FAM149A: variants seen among roughly 807,000 people sequenced by gnomAD.
FAM149A encodes protein FAM149A.
Under a neutral mutation model 78.2 loss-of-function variants are expected in FAM149A, and 71 were observed. The observed-to-expected ratio is 0.91, with a 90% CI of 0.75 to 1.11. The LOEUF (loss-of-function observed/expected upper bound fraction) is 1.11, where lower values mean the gene tolerates loss of function less well. Among genes scored for constraint, FAM149A ranks in the 50% least tolerant of loss-of-function variants. The pLI, the probability that FAM149A is intolerant of heterozygous loss-of-function variation, is 0.00. For missense variants in FAM149A, 1,036 were observed against 971.0 expected (o/e 1.07, Z -0.89); for synonymous variants, 446 against 410.5 (o/e 1.09, Z -1.04).
At position 186,149,085 on chromosome 4, in the gene FAM149A, T is replaced by C. The variant is rs965214262; in HGVS notation, c.567-88T>C. 1.4e-5 allele frequency: 16 copies of C among 1,113,368 alleles called. No individual in the cohort carries two copies. In the African/African-American group the frequency reaches 2.5e-4, roughly 17 times the overall value. The allele number at this position is 1,113,368 out of a possible 1,614,324, so 69.0% of individuals were successfully genotyped here. A position where few individuals can be genotyped will look rare whatever the true frequency, so the allele number is the denominator to read the frequency against. Reference sequence around the variant, plus strand: ...ATGTGGCAGAACGAGAGGAGCAACTTTGTATAAAAGAGAAATTTTAAAAGT... The same window carrying C: ...ATGTGGCAGAACGAGAGGAGCAACTCTGTATAAAAGAGAAATTTTAAAAGT... On this transcript the variant is annotated intron_variant, in intron 1 of 13. Transcript: ENST00000389354.
chr4:186,130,285 C>CTATA (rs1446324496), intron 1 of FAM149A: 1 of 40,338 alleles, frequency 2.5e-5, no homozygotes, highest in African/African-American at 1.4e-4. Context: ...CTCTCTCTCT[C>CTATA]TCTCTCTCTA....
At chr4:186,158,835 T>TGAGC (rs1579910428) in intron 8 of FAM149A, 5 of 998,336 alleles carry the variant, frequency 5.0e-6, no homozygotes, top group East Asian at 1.1e-4. Flanking sequence ...GATCAACCAC[T>TGAGC]GAGCGGTCTC....
intron 13 of FAM149A, chr4:186,169,515 C>G (rs1735355172): frequency 4.1e-6 from 4 of 984,752 alleles, no homozygotes; most frequent in Non-Finnish European, 4.8e-6. Context: ...AAAGCTCTTT[C>G]TTTCCTCCTG....
chr4:186,105,851 C>T (rs1444863466), intron 1 of FAM149A, among the ~76,000 whole-genome samples: 1 of 152,200 alleles, frequency 6.6e-6, no homozygotes, highest in Non-Finnish European at 1.5e-5. Context: ...ATGCTTTGTC[C>T]AGCTTTCTCA....
chr4:186,150,411 C>CTG (rs1733406263), intron 3 of FAM149A, among the ~76,000 whole-genome samples: 5 of 105,474 alleles, frequency 4.7e-5, no homozygotes, highest in East Asian at 2.5e-4. Flanking sequence ...CTCTCTCTGT[C>CTG]TCTTTTTTTT....
intron 1 of FAM149A, among the ~76,000 whole-genome samples, chr4:186,132,603 G>A (rs1224648102): frequency 6.6e-6 from 1 of 152,184 alleles, no homozygotes; most frequent in African/African-American, 2.4e-5. Flanking sequence ...GGGAAAAGCA[G>A]GCTGGAGGGG....
rs148215946 is a variant in FAM149A, at chr4:186,146,839, G to T, written c.567-2334G>T. The T allele has an allele frequency of 7.1e-6, 7 of 985,444 alleles. No homozygotes were observed. In the African/African-American group the frequency reaches 1.2e-4, roughly 17 times the overall value. 61.0% of individuals were successfully genotyped at this position (985,444 alleles called of 1,614,324 possible). On this transcript the variant is annotated intron_variant, in intron 1 of 13. Transcript: ENST00000389354. ...CCTATGTTTCAGGCATAAACATTCA[G>T]AGTAATTCTGTAGTGAAAATGAGTT...
intron 8 of FAM149A, among the ~76,000 whole-genome samples, chr4:186,159,961 T>C (rs116745231): frequency 0.025 from 3,107 of 124,634 alleles, 142 homozygotes; most frequent in African/African-American, 0.091. Flanking sequence ...ACACCACTCA[T>C]ACACACACCA....
intron 13 of FAM149A, chr4:186,167,485 G>C: frequency 1.9e-6 from 1 of 522,028 alleles, no homozygotes. Flanking sequence ...ATGTCCAAAA[G>C]CTCTCAATGA....
intron 1 of FAM149A, chr4:186,127,520 A>G: frequency 1.0e-6 from 1 of 985,372 alleles, no homozygotes; most frequent in Non-Finnish European, 1.2e-6. Context: ...GTGGCTTTCA[A>G]CGTTTGTTTT....
Position 186,171,944 on chromosome 4 carries a change from G to C in FAM149A, c.2249G>C (p.Arg750Thr), listed in dbSNP as rs914566875. ...CAATATGTGCCTAAATCTTTTCAGAGGACAACTTTGACTTTCAAGAGGAGA... is the reference window on the plus strand; with the variant it reads ...CAATATGTGCCTAAATCTTTTCAGACGACAACTTTGACTTTCAAGAGGAGA... Residue 750 changes from arginine to threonine, a missense_variant, in exon 14 of 14, where the codon AGG becomes ACG. Physicochemically the swap from Arg to Thr is moderately conservative, Grantham distance 71 (BLOSUM62 -1). Coordinates refer to ENST00000389354, the MANE Select transcript of FAM149A (RefSeq NM_001367768.3). 22 of 1,611,906 alleles carry C rather than the reference G, an allele frequency of 1.4e-5. No homozygotes were observed. The highest frequency in any genetic ancestry group is 1.9e-5 in the Non-Finnish European group (22 of 1,179,214).
intron 1 of FAM149A, chr4:186,125,458 C>A: frequency 3.7e-6 from 2 of 539,784 alleles, no homozygotes; most frequent in Non-Finnish European, 4.7e-6. Flanking sequence ...CTGATCAGAG[C>A]ACGCTGGGAA....
chr4:186,149,552 G>A lies in FAM149A; in HGVS notation c.678-41G>A. ...CAGCAAATGTGATTTCTTTGCTCAT[G>A]TTCATTCCTGCAGCAAATCCTTGTC... On this transcript the variant is annotated intron_variant, in intron 2 of 13. Transcript: ENST00000389354. 2.3e-6 allele frequency: 3 copies of A among 1,289,798 alleles called. No homozygotes were observed. Among genetic ancestry groups the A allele is most frequent in the Non-Finnish European group, 3.0e-6 (3 of 988,876 alleles). 79.9% of individuals were successfully genotyped at this position (1,289,798 alleles called of 1,614,324 possible).
intron 1 of FAM149A, among the ~76,000 whole-genome samples, chr4:186,142,359 A>C (rs1489777107): frequency 6.6e-6 from 1 of 152,296 alleles, no homozygotes; most frequent in Middle Eastern, 3.4e-3. Flanking sequence ...CCTCATCTGT[A>C]CGCGGACATG....
At chr4:186,113,237 G>T in intron 1 of FAM149A, among the ~76,000 whole-genome samples, 1 of 61,124 alleles carries the variant, frequency 1.6e-5, no homozygotes. Flanking sequence ...TGGGATCAGT[G>T]GTGATATCCC....
intron 1 of FAM149A, among the ~76,000 whole-genome samples, chr4:186,136,980 C>CTCTCTT (rs2099323362): frequency 2.2e-4 from 26 of 116,066 alleles, no homozygotes; most frequent in African/African-American, 8.2e-4. Context: ...CTCTCTTTCT[C>CTCTCTT]TCTCTCTCTC....
chr4:186,120,518 G>C (rs1413483375), intron 1 of FAM149A, among the ~76,000 whole-genome samples: 1 of 152,002 alleles, frequency 6.6e-6, no homozygotes, highest in Non-Finnish European at 1.5e-5. Context: ...GTAAGACCGG[G>C]CGCGGTGGCT....
intron 13 of FAM149A, 67 bp downstream of exon 13, chr4:186,167,329 A>G (rs1735130142): frequency 7.3e-7 from 1 of 1,375,584 alleles, no homozygotes. Flanking sequence ...AGACAGTGAA[A>G]TGGAAGATGA....
At chr4:186,133,133 G>A (rs1486679829) in intron 1 of FAM149A, 13 of 985,344 alleles carry the variant, frequency 1.3e-5, no homozygotes, top group Non-Finnish European at 1.6e-5. Flanking sequence ...GTATTGTCTC[G>A]ACTTCTTTCC....
Sources: allele counts gnomAD v4.1 joint callset (sites outside exome capture counted in the v4.1 genomes callset), GRCh38; gene constraint gnomAD v4.1.1; transcripts MANE v1.5; gene names NCBI Gene and HGNC (gene_info 2026-07-23, HGNC 2026-07-21).